The following SVIL variants were observed in gnomAD, a reference collection of about 807,000 sequenced individuals.
The protein encoded by SVIL is archvillin.
A neutral mutation model predicts 240.4 loss-of-function variants in SVIL; 101 were observed. The observed-to-expected ratio is 0.42, with a 90% CI of 0.36 to 0.50. The LOEUF is 0.50. Ranked by LOEUF, SVIL falls within the 20% of genes least tolerant of loss-of-function variation. The pLI is 0.01. For synonymous variants in SVIL, 999 were observed against 1,100.0 expected, an observed-to-expected ratio of 0.91 and a Z score of 1.82; for missense variants, 2,512 against 2,818.7, an observed-to-expected ratio of 0.89 and a Z score of 2.46.
chr10:29,630,920 A>G (rs1254045578), intron 1 of SVIL, among the ~76,000 whole-genome samples: 3 of 152,172 alleles, frequency 2.0e-5, no homozygotes, highest in Non-Finnish European at 2.9e-5. Context: ...CCACTGGGCT[A>G]GACCCTGGGG....
intron 1 of SVIL, among the ~76,000 whole-genome samples, chr10:29,606,331 C>T (rs925364806): frequency 2.0e-5 from 3 of 152,192 alleles, no homozygotes; most frequent in African/African-American, 7.2e-5. Context: ...AGACACTGGC[C>T]ACTGCAACCA....
At position 29,531,986 on chromosome 10, in the gene SVIL, G is replaced by A. The variant is rs759925698; in HGVS notation, c.2009+16C>T. The stretch of plus-strand genomic sequence containing the variant: ...CCACGTTCCTGGATGAGGAAACTGC[G>A]CATACGCATGCCTACCTATCCGATT... On this transcript the variant is annotated intron_variant, in intron 9 of 37. Transcript: ENST00000355867. 11 of 1,613,664 alleles carry A rather than the reference G, an allele frequency of 6.8e-6. No homozygotes were observed. In the South Asian group the frequency reaches 7.7e-5, roughly 11 times the overall value.
intron 1 of SVIL, among the ~76,000 whole-genome samples, chr10:29,687,807 G>GGTCT (rs1438762775): frequency 2.0e-5 from 3 of 152,204 alleles, no homozygotes; most frequent in Non-Finnish European, 4.4e-5. Flanking sequence ...AACAGCCACA[G>GGTCT]GTCTGTCTAT....
intron 29 of SVIL, among the ~76,000 whole-genome samples, chr10:29,476,119 AT>A (rs1376796206): frequency 1.3e-5 from 2 of 152,240 alleles, no homozygotes; most frequent in African/African-American, 2.4e-5. Flanking sequence ...TAGATTATAA[AT>A]CCCACAATTA....
At chr10:29,558,015 A>G (rs55765119) in intron 3 of SVIL, among the ~76,000 whole-genome samples, 8,222 of 152,292 alleles carry the variant, frequency 0.054, 275 homozygotes, top group Admixed American at 0.11. Flanking sequence ...TGACACAAAA[A>G]TATCCTCATA....
rs1564571717 is a variant in SVIL, at chr10:29,524,721, AAAAAT to A, written c.2343-11_2343-7del. The A allele has an allele frequency of 1.2e-6, 2 of 1,613,018 alleles. No homozygotes were observed. The highest frequency in any genetic ancestry group is 1.7e-6 in the Non-Finnish European group (2 of 1,179,268). On this transcript the variant is annotated splice_polypyrimidine_tract_variant and splice_region_variant and intron_variant, in intron 13 of 37. Coordinates refer to ENST00000355867, the MANE Select transcript of SVIL (RefSeq NM_021738.3). Reference sequence around the variant, plus strand: ...GGTGAGCAGAGGCCTGCAATCTGAAAAAAATAAAATGTCAGCAACACATATACCAA... The same window carrying A: ...GGTGAGCAGAGGCCTGCAATCTGAAAAAAATGTCAGCAACACATATACCAA...
At chr10:29,591,118 T>C (rs1956373751) in intron 1 of SVIL, among the ~76,000 whole-genome samples, 2 of 152,250 alleles carry the variant, frequency 1.3e-5, no homozygotes, top group South Asian at 4.1e-4. Flanking sequence ...TATGTTCTAG[T>C]AATAACCAAA....
intron 1 of SVIL, among the ~76,000 whole-genome samples, chr10:29,625,931 G>T (rs1194253784): frequency 1.3e-5 from 2 of 152,070 alleles, no homozygotes; most frequent in African/African-American, 2.4e-5. Flanking sequence ...CAGCTTTGAG[G>T]TATAATTCAC....
chr10:29,504,072 A>G (rs1163593556), intron 17 of SVIL, among the ~76,000 whole-genome samples: 1 of 152,224 alleles, frequency 6.6e-6, no homozygotes, highest in Non-Finnish European at 1.5e-5. Flanking sequence ...TTGAGAAAGG[A>G]GCAAAAACAT....
intron 1 of SVIL, among the ~76,000 whole-genome samples, chr10:29,690,393 C>G (rs192837256): frequency 6.6e-6 from 1 of 151,944 alleles, no homozygotes; most frequent in East Asian, 1.9e-4. Context: ...CCTTAAATGG[C>G]CTTTTTTCTG....
chr10:29,637,529 A>ATT (rs1433128425), upstream of SVIL, among the ~76,000 whole-genome samples: 8 of 152,192 alleles, frequency 5.3e-5, no homozygotes, highest in Non-Finnish European at 1.0e-4. Context: ...AATCTATCCC[A>ATT]TATTAAGGCC....
chr10:29,628,836 G>A (rs1957974805), intron 1 of SVIL, among the ~76,000 whole-genome samples: 1 of 152,192 alleles, frequency 6.6e-6, no homozygotes. Context: ...AAGGAAAGCT[G>A]AGCAAGCAAA....
intron 14 of SVIL, 46 bp from the exon 15 acceptor site, chr10:29,524,073 A>G (rs1436341470): frequency 6.6e-7 from 1 of 1,510,000 alleles, no homozygotes; most frequent in East Asian, 2.3e-5. Flanking sequence ...GAAAAATATC[A>G]TCTATATAAA....
chr10:29,573,939 G>A (rs1955566688), intron 1 of SVIL, among the ~76,000 whole-genome samples: 1 of 152,124 alleles, frequency 6.6e-6, no homozygotes, highest in Admixed American at 6.5e-5. Context: ...CAGGTGATCC[G>A]CCCACCTTGG....
chr10:29,573,775 A>C (rs1044879893), intron 1 of SVIL, among the ~76,000 whole-genome samples: 1 of 151,736 alleles, frequency 6.6e-6, no homozygotes, highest in Non-Finnish European at 1.5e-5. Flanking sequence ...GGGTCACTAC[A>C]ACCTCCACCT....
chr10:29,697,111 C>CCCGG (rs1481992025), intron 1 of SVIL, among the ~76,000 whole-genome samples: 2 of 125,162 alleles, frequency 1.6e-5, no homozygotes, highest in Non-Finnish European at 3.4e-5. Context: ...AGCCCCTCTG[C>CCCGG]CCGGCCAGCC....
At chr10:29,537,539 T>C (rs182446266) in intron 6 of SVIL, among the ~76,000 whole-genome samples, 44 of 152,278 alleles carry the variant, frequency 2.9e-4, no homozygotes, top group African/African-American at 8.2e-4. Flanking sequence ...CTGTCTCCTC[T>C]TACAATGTAG....
upstream of SVIL, among the ~76,000 whole-genome samples, chr10:29,635,154 G>A (rs1404579393): frequency 6.6e-6 from 1 of 152,090 alleles, no homozygotes; most frequent in Non-Finnish European, 1.5e-5. Flanking sequence ...GTTGTATAGA[G>A]AAATTAAAAA....
intron 29 of SVIL, among the ~76,000 whole-genome samples, chr10:29,478,710 C>T (rs1033065322): frequency 6.6e-6 from 1 of 151,496 alleles, no homozygotes; most frequent in Non-Finnish European, 1.5e-5. Flanking sequence ...GGTTTGAGCC[C>T]AGGAGTTTGA....
Sources: allele counts gnomAD v4.1 joint callset (sites outside exome capture counted in the v4.1 genomes callset), GRCh38; gene constraint gnomAD v4.1.1; transcripts MANE v1.5; gene names NCBI Gene and HGNC (gene_info 2026-07-23, HGNC 2026-07-21).